Variants in MED16 observed in about 807,000 individuals in gnomAD.
The protein encoded by MED16 is mediator of RNA polymerase II transcription subunit 16.
MED16 carries 81 observed loss-of-function variants against 84.4 expected under a neutral mutation model. The observed-to-expected ratio is 0.96, with a 90% CI of 0.80 to 1.15. The LOEUF is 1.15. Among genes scored for constraint, MED16 ranks in the 50% most tolerant of loss-of-function variants. The pLI is 0.00. For missense variants in MED16, 1,585 were observed against 1,245.9 expected, an observed-to-expected ratio of 1.27 and a Z score of -4.10; for synonymous variants, 897 against 552.2, an observed-to-expected ratio of 1.62 and a Z score of -8.76.
intron 11 of MED16, chr19:873,206 TAAG>T (rs1238876418): frequency 6.5e-5 from 35 of 539,804 alleles, no homozygotes; most frequent in Non-Finnish European, 8.5e-5. Context: ...AGTGGGGGTT[TAAG>T]AAGAGACAGA....
intron 10 of MED16, among the ~76,000 whole-genome samples, chr19:874,809 G>A (rs573190828): frequency 1.3e-5 from 2 of 152,138 alleles, no homozygotes; most frequent in Middle Eastern, 3.4e-3. Context: ...GGCAGAGGCT[G>A]CGCTGAGCTG....
intron 7 of MED16, 65 bp from the exon 8 acceptor site, chr19:880,213 C>G (rs2036391619): frequency 6.8e-6 from 10 of 1,461,782 alleles, no homozygotes; most frequent in Middle Eastern, 2.4e-4. Flanking sequence ...GGGGAGGGGC[C>G]TCCTGCTCTG....
At chr19:880,211 G>A (rs1399905155) in intron 7 of MED16, 63 bp from the exon 8 acceptor site, 9 of 1,469,640 alleles carry the variant, frequency 6.1e-6, no homozygotes, top group African/African-American at 1.4e-5. Flanking sequence ...CGGGGGAGGG[G>A]CCTCCTGCTC....
intron 12 of MED16, 99 bp from the exon 13 acceptor site, chr19:871,352 T>C: frequency 7.3e-7 from 1 of 1,377,522 alleles, no homozygotes; most frequent in Non-Finnish European, 9.7e-7. Flanking sequence ...GAGCACCAGG[T>C]CAGGGCCCCA....
rs748338755 is a variant in MED16, at chr19:889,669, T to C, written c.416A>G (p.Asn139Ser). The C allele has an allele frequency of 4.3e-6, 7 of 1,613,614 alleles. No homozygotes were observed. The highest frequency in any genetic ancestry group is 1.1e-5 in the South Asian group (1 of 91,066). Residue 139 changes from asparagine to serine, a missense_variant, in exon 4 of 16, where the codon AAT (asparagine) becomes AGT (serine). Physicochemically the swap from Asn to Ser is conservative, Grantham distance 46. Coordinates refer to ENST00000325464, the MANE Select transcript of MED16 (RefSeq NM_005481.3). ...DPIVALSWLHNGVKLALHVEK... is the reference protein window; with the variant it reads ...DPIVALSWLHSGVKLALHVEK... ...CACGTGCAGGGCCAGTTTCACACCA[T>C]TGTGCAGCCAGGACAGGGCCACAAT...
At chr19:876,207 G>A (rs1193238881) in intron 9 of MED16, among the ~76,000 whole-genome samples, 1 of 152,172 alleles carries the variant, frequency 6.6e-6, no homozygotes, top group Non-Finnish European at 1.5e-5. Flanking sequence ...AGCTCAGAGG[G>A]CTGGTCCCAC....
At chr19:890,869 G>C (rs2036617957) in intron 2 of MED16, 94 bp downstream of exon 2, 6 of 1,363,612 alleles carry the variant, frequency 4.4e-6, no homozygotes, top group Admixed American at 2.4e-5. Flanking sequence ...TGGCCTGAGA[G>C]ACCGAGTCCC....
intron 4 of MED16, 110 bp from the exon 5 acceptor site, chr19:886,311 C>T (rs1288597979): frequency 2.1e-6 from 2 of 969,616 alleles, no homozygotes; most frequent in Non-Finnish European, 2.9e-6. Flanking sequence ...GGAGTGTGTG[C>T]ACCTGGGTTC....
chr19:878,158 C>T (rs150436099), intron 8 of MED16, among the ~76,000 whole-genome samples: 3,728 of 82,898 alleles, frequency 0.045, no homozygotes, highest in African/African-American at 0.064. Context: ...CTCACCTTCC[C>T]GTGGTTGTCA....
chr19:881,896 C>G (rs905901631), intron 6 of MED16, among the ~76,000 whole-genome samples, 182 bp from the exon 7 acceptor site: 8 of 152,228 alleles, frequency 5.3e-5, no homozygotes. Context: ...GCCTCGGCCA[C>G]TCATTGGTTC....
intron 11 of MED16, among the ~76,000 whole-genome samples, 193 bp from the exon 12 acceptor site, chr19:872,311 C>G (rs2036095590): frequency 4.6e-5 from 7 of 151,958 alleles, no homozygotes; most frequent in Admixed American, 4.6e-4. Context: ...CCCTGCAGGG[C>G]CCAGGACAGC....
chr19:873,000 T>C (rs866437536), intron 11 of MED16: 1 of 81,996 alleles, frequency 1.2e-5, no homozygotes, highest in Admixed American at 2.0e-4. Context: ...GGCTCCGAGG[T>C]GGGGGAGGGC....
intron 4 of MED16, among the ~76,000 whole-genome samples, chr19:888,330 T>C (rs971634728): frequency 1.3e-5 from 2 of 151,940 alleles, no homozygotes; most frequent in Non-Finnish European, 2.9e-5. Context: ...GAGACCAGCC[T>C]GGCCAACATG....
intron 10 of MED16, among the ~76,000 whole-genome samples, chr19:875,033 A>G (rs1472954174): frequency 1.3e-5 from 2 of 151,958 alleles, no homozygotes; most frequent in Non-Finnish European, 2.9e-5. Flanking sequence ...GCGTGGTGGC[A>G]CGTGCCTGTA....
intron 9 of MED16, among the ~76,000 whole-genome samples, chr19:876,275 G>T (rs573502045): frequency 6.6e-6 from 1 of 152,124 alleles, no homozygotes; most frequent in Non-Finnish European, 1.5e-5. Flanking sequence ...CTCTGGGATT[G>T]CAGGCACATA....
chr19:876,946 C>T (rs753304311), intron 9 of MED16, 28 bp downstream of exon 9: 29 of 1,565,492 alleles, frequency 1.9e-5, no homozygotes, highest in African/African-American at 1.6e-4. Flanking sequence ...CCACCTGCCA[C>T]GGGGCCCCAC....
rs767807781 is a variant in MED16, at chr19:876,880, CCCCCACCTGCCACGGGG to C, written c.1560+77_1560+93del. ...TGGCACGGGACCACCTGCCACGGGG[CCCCCACCTGCCACGGGG>C]CCCCACCTGCCACGGGGCCCCCACC... On this transcript the variant is annotated intron_variant, in intron 9 of 15. Transcript: ENST00000325464. 669 of 1,133,998 alleles carry C rather than the reference CCCCCACCTGCCACGGGG, an allele frequency of 5.9e-4. 3 individuals carry two copies. Among genetic ancestry groups the C allele is most frequent in the African/African-American group, 4.9e-3 (284 of 58,474 alleles). 70.2% of individuals were successfully genotyped at this position (1,133,998 alleles called of 1,614,324 possible).
chr19:875,574 C>T, intron 9 of MED16, 120 bp from the exon 10 acceptor site: 1 of 764,282 alleles, frequency 1.3e-6, no homozygotes, highest in Non-Finnish European at 2.1e-6. Flanking sequence ...GGGCAAGCTG[C>T]TTCGCCTCTG....
At chr19:891,182 T>C in intron 1 of MED16, 33 bp from the exon 2 acceptor site, 1 of 1,573,622 alleles carries the variant, frequency 6.4e-7, no homozygotes, top group Non-Finnish European at 8.6e-7. Context: ...GACGTCTATG[T>C]TGGCTGAGCA....
Sources: gnomAD v4.1 joint callset for allele counts (sites outside exome capture counted in the v4.1 genomes callset) on GRCh38, gnomAD v4.1.1 for gene constraint, MANE v1.5 for transcripts, NCBI Gene and HGNC (gene_info 2026-07-23, HGNC 2026-07-21) for gene names.